Variants in AGBL4 observed in about 807,000 individuals in gnomAD.
The protein encoded by AGBL4 is AGBL carboxypeptidase 4, also known as cytosolic carboxypeptidase 6.
Under a neutral mutation model 66.4 loss-of-function variants are expected in AGBL4, and 58 were observed. The ratio of observed to expected loss-of-function variants is 0.87; its 90% CI spans 0.71 to 1.09. The LOEUF is 1.09. Ranked by LOEUF, AGBL4 falls within the 50% of genes least tolerant of loss-of-function variation. AGBL4 has a pLI of 0.00. For synonymous variants in AGBL4, 234 were observed against 222.9 expected (o/e 1.05, Z -0.44); for missense variants, 579 against 631.0 (o/e 0.92, Z 0.88).
At chr1:49,941,974 C>G (rs536079004) in intron 1 of AGBL4, among the ~76,000 whole-genome samples, 11 of 151,914 alleles carry the variant, frequency 7.2e-5, no homozygotes, top group Non-Finnish European at 1.0e-4. Context: ...CCTTAAAACA[C>G]CACCAGAAGT....
At chr1:48,617,098 A>G (rs542222874) in intron 9 of AGBL4, among the ~76,000 whole-genome samples, 56 of 152,328 alleles carry the variant, frequency 3.7e-4, no homozygotes, top group Non-Finnish European at 6.0e-4. Flanking sequence ...GGGGGAGCTG[A>G]GAAGATGCTG....
intron 4 of AGBL4, among the ~76,000 whole-genome samples, chr1:49,145,182 G>C (rs1646193543): frequency 6.6e-6 from 1 of 152,102 alleles, no homozygotes; most frequent in Non-Finnish European, 1.5e-5. Context: ...TTTGAGACAA[G>C]CAACTTCTTA....
chr1:48,759,104 C>A (rs1644115280), intron 6 of AGBL4: 3 of 1,611,464 alleles, frequency 1.9e-6, no homozygotes, highest in Admixed American at 1.7e-5. Context: ...TCATACAGAG[C>A]CCGGGGCACC....
chr1:48,806,735 G>T (rs889807268), intron 6 of AGBL4, among the ~76,000 whole-genome samples: 1 of 152,174 alleles, frequency 6.6e-6, no homozygotes, highest in African/African-American at 2.4e-5. Flanking sequence ...TTGCCATTTG[G>T]TAAGAGAAAA....
At chr1:49,934,994 T>G (rs1250589731) in intron 1 of AGBL4, among the ~76,000 whole-genome samples, 1 of 152,102 alleles carries the variant, frequency 6.6e-6, no homozygotes, top group African/African-American at 2.4e-5. Flanking sequence ...GGACAGTGGG[T>G]GCAGCGCACC....
At chr1:49,692,501 GAGGTC>G (rs777405974) in intron 3 of AGBL4, among the ~76,000 whole-genome samples, 53 of 152,102 alleles carry the variant, frequency 3.5e-4, no homozygotes, top group Non-Finnish European at 3.8e-4. Context: ...GGTGGATCAC[GAGGTC>G]AGGAGATCGA....
chr1:49,369,215 G>A (rs1002675930), intron 3 of AGBL4, among the ~76,000 whole-genome samples: 9 of 152,270 alleles, frequency 5.9e-5, no homozygotes, highest in Middle Eastern at 3.4e-3. Context: ...GATCTGTAAG[G>A]TAGTAAACAA....
At chr1:48,955,811 A>T (rs920125628) in intron 5 of AGBL4, among the ~76,000 whole-genome samples, 1 of 152,240 alleles carries the variant, frequency 6.6e-6, no homozygotes, top group Non-Finnish European at 1.5e-5. Flanking sequence ...CTAAGTCTGA[A>T]TCTCCACCAG....
chr1:48,662,984 C>A (rs1480191547), intron 7 of AGBL4, among the ~76,000 whole-genome samples, 168 bp downstream of exon 7: 1 of 152,202 alleles, frequency 6.6e-6, no homozygotes, highest in Admixed American at 6.5e-5. Context: ...AGTCAATAAA[C>A]ATTTATTGAA....
intron 1 of AGBL4, among the ~76,000 whole-genome samples, chr1:49,862,157 G>T (rs1646588291): frequency 1.3e-5 from 2 of 152,004 alleles, no homozygotes; most frequent in African/African-American, 4.8e-5. Context: ...CACAGAGAAG[G>T]AATTCAGAAT....
intron 11 of AGBL4, 143 bp downstream of exon 11, chr1:48,586,861 G>T: frequency 9.5e-7 from 1 of 1,057,352 alleles, no homozygotes; most frequent in Non-Finnish European, 1.4e-6. Flanking sequence ...ATCCAAAGAC[G>T]CCACCAGAAG....
At chr1:49,638,375 T>C (rs1453299897) in intron 3 of AGBL4, among the ~76,000 whole-genome samples, 2 of 152,236 alleles carry the variant, frequency 1.3e-5, no homozygotes, top group African/African-American at 4.8e-5. Flanking sequence ...ACATTCTATA[T>C]CATATATCTG....
chr1:49,948,012 A>ATATATTTATATATATATATATATATT (rs1655473029), intron 1 of AGBL4, among the ~76,000 whole-genome samples: 1 of 49,826 alleles, frequency 2.0e-5, no homozygotes, highest in African/African-American at 1.9e-4. Context: ...ATATATAAAT[A>ATATATTTATATATATATATATATATT]TATAAATATA....
intron 3 of AGBL4, among the ~76,000 whole-genome samples, chr1:49,439,144 A>G (rs1048768944): frequency 5.9e-5 from 9 of 152,258 alleles, no homozygotes; most frequent in African/African-American, 2.2e-4. Flanking sequence ...AGGAGCTGAT[A>G]TACAAGTCTA....
intron 5 of AGBL4, among the ~76,000 whole-genome samples, chr1:48,917,593 G>A (rs1653698071): frequency 6.6e-6 from 1 of 152,180 alleles, no homozygotes; most frequent in African/African-American, 2.4e-5. Flanking sequence ...AAACTGGCAG[G>A]TCAAGAAAGA....
intron 6 of AGBL4, among the ~76,000 whole-genome samples, chr1:48,666,039 C>G (rs571912243): frequency 1.3e-5 from 2 of 152,324 alleles, no homozygotes; most frequent in South Asian, 4.1e-4. Flanking sequence ...AAAAATCAAG[C>G]ATCTCGGGTG....
intron 1 of AGBL4, among the ~76,000 whole-genome samples, chr1:49,905,763 G>A (rs1024530380): frequency 6.6e-6 from 1 of 152,108 alleles, no homozygotes; most frequent in Non-Finnish European, 1.5e-5. Context: ...CACTACAGTT[G>A]TAAGAATTAT....
At chr1:49,262,706 G>A (rs1303086496) in intron 3 of AGBL4, among the ~76,000 whole-genome samples, 2 of 152,154 alleles carry the variant, frequency 1.3e-5, no homozygotes, top group Non-Finnish European at 2.9e-5. Flanking sequence ...CACTGTTGGT[G>A]GCACTGTAAA....
intron 1 of AGBL4, among the ~76,000 whole-genome samples, chr1:49,907,681 C>T (rs1032169019): frequency 6.6e-5 from 10 of 152,048 alleles, no homozygotes; most frequent in Non-Finnish European, 4.4e-5. Flanking sequence ...GAGATAAATA[C>T]ATGGAGCACA....
Sources: gnomAD v4.1 joint callset for allele counts (sites outside exome capture counted in the v4.1 genomes callset) on GRCh38, gnomAD v4.1.1 for gene constraint, MANE v1.5 for transcripts, NCBI Gene and HGNC (gene_info 2026-07-23, HGNC 2026-07-21) for gene names.